Variants in DTNB observed in about 807,000 individuals in gnomAD.
DTNB encodes the protein dystrobrevin beta, also known as DTN-B.
In DTNB, 63 loss-of-function variants were observed where a neutral mutation model predicts 90.7. That is an observed-to-expected ratio of 0.69 (90% confidence interval 0.57 to 0.86). The LOEUF is 0.86. Among genes scored for constraint, DTNB ranks in the 40% least tolerant of loss-of-function variants. DTNB has a pLI of 0.00. For missense variants in DTNB, 744 were observed against 807.1 expected (o/e 0.92, Z 0.95); for synonymous variants, 277 against 286.7 (o/e 0.97, Z 0.34).
chr2:25,660,320 A>T (rs2082900302), intron 1 of DTNB, among the ~76,000 whole-genome samples: 1 of 152,228 alleles, frequency 6.6e-6, no homozygotes, highest in African/African-American at 2.4e-5. Flanking sequence ...GAAAGAAGCC[A>T]GTCATAGAAG....
chr2:25,527,800 T>C (rs184229723), intron 9 of DTNB, among the ~76,000 whole-genome samples: 2 of 152,278 alleles, frequency 1.3e-5, no homozygotes, highest in Non-Finnish European at 2.9e-5. Context: ...CTTAGATGGC[T>C]CCATTAGTGA....
Position 25,600,219 on chromosome 2 carries a change from C to T in DTNB, c.449-3979G>A, listed in dbSNP as rs185007508. On this transcript the variant is annotated intron_variant, in intron 5 of 20. Coordinates refer to ENST00000406818, the MANE Select transcript of DTNB (RefSeq NM_021907.5). ...CTGCCAGGTGCCTCAGTATCTTCTTCCCCTTCTCGCTCACTAGCTGAGCCC... is the reference window on the plus strand; with the variant it reads ...CTGCCAGGTGCCTCAGTATCTTCTTTCCCTTCTCGCTCACTAGCTGAGCCC... 3.2e-4 allele frequency among the ~76,000 whole-genome samples: 48 copies of T among 152,360 alleles called. 1 individual carries two copies. In the East Asian group the frequency reaches 7.7e-3, roughly 24 times the overall value.
chr2:25,664,499 T>C (rs1459218338), intron 1 of DTNB, among the ~76,000 whole-genome samples: 1 of 152,222 alleles, frequency 6.6e-6, no homozygotes, highest in Non-Finnish European at 1.5e-5. Context: ...GATCACAGTA[T>C]CAGCCCCTCC....
rs139183528 is a variant in DTNB, at chr2:25,496,583, C to T, written c.1002-13710G>A. 6.8e-3 allele frequency among the ~76,000 whole-genome samples: 1,030 copies of T among 152,282 alleles called. 14 individuals are homozygous for T. Among genetic ancestry groups the T allele is most frequent in the African/African-American group, 0.024 (993 of 41,550 alleles). On this transcript the variant is annotated intron_variant, in intron 9 of 20. Coordinates refer to ENST00000406818, the MANE Select transcript of DTNB (RefSeq NM_021907.5). ...GTGGGGCTGGGCGCAGTGGCTCACA[C>T]CTGTAATCTCAGCACTTTGGGAGGC...
At chr2:25,543,607 A>G (rs2081803104) in intron 8 of DTNB, among the ~76,000 whole-genome samples, 1 of 152,184 alleles carries the variant, frequency 6.6e-6, no homozygotes, top group African/African-American at 2.4e-5. Context: ...CCTGGCTGAG[A>G]CAGATTCTTA....
At chr2:25,404,727 C>T (rs934758456) in intron 16 of DTNB, among the ~76,000 whole-genome samples, 2 of 151,914 alleles carry the variant, frequency 1.3e-5, no homozygotes, top group Admixed American at 6.6e-5. Context: ...TGGTGGCACG[C>T]GACTGTAATC....
At chr2:25,504,369 GAGAAGGAAAGAA>G (rs1318617652) in intron 9 of DTNB, among the ~76,000 whole-genome samples, 3 of 143,944 alleles carry the variant, frequency 2.1e-5, no homozygotes, top group Non-Finnish European at 4.5e-5. Context: ...GAGGGAGGGA[GAGAAGGAAAGAA>G]AGAAGGAAAG....
chr2:25,462,383 G>T (rs1408792779), intron 10 of DTNB, among the ~76,000 whole-genome samples: 1 of 152,062 alleles, frequency 6.6e-6, no homozygotes, highest in African/African-American at 2.4e-5. Flanking sequence ...CTTGTCCTGA[G>T]GCTGGGTGTA....
intron 3 of DTNB, among the ~76,000 whole-genome samples, chr2:25,630,433 T>G (rs1158701428): frequency 3.9e-5 from 6 of 152,198 alleles, no homozygotes; most frequent in African/African-American, 1.2e-4. Flanking sequence ...TGTTCATAGG[T>G]GCATTATTCA....
At chr2:25,476,576 T>A (rs1024136275) in intron 10 of DTNB, among the ~76,000 whole-genome samples, 14 of 152,150 alleles carry the variant, frequency 9.2e-5, no homozygotes, top group Non-Finnish European at 1.9e-4. Context: ...AAGAAATTGA[T>A]TCCAACCCTC....
chr2:25,453,385 ATTAG>A (rs764875400), intron 11 of DTNB, among the ~76,000 whole-genome samples: 3 of 152,212 alleles, frequency 2.0e-5, no homozygotes, highest in South Asian at 2.1e-4. Context: ...CATTTTCAGA[ATTAG>A]TTAGCCAGAA....
chr2:25,505,669 TCTC>T (rs1341046677), intron 9 of DTNB, among the ~76,000 whole-genome samples: 1 of 152,202 alleles, frequency 6.6e-6, no homozygotes, highest in Non-Finnish European at 1.5e-5. Context: ...CACTTGTACT[TCTC>T]CTACTAAACC....
intron 16 of DTNB, among the ~76,000 whole-genome samples, chr2:25,405,291 G>A (rs190671584): frequency 3.9e-5 from 6 of 152,118 alleles, no homozygotes; most frequent in South Asian, 4.2e-4. Flanking sequence ...CTGTAATTCT[G>A]GCACTTTGGG....
intron 9 of DTNB, among the ~76,000 whole-genome samples, chr2:25,522,984 A>G (rs909551693): frequency 6.6e-6 from 1 of 152,152 alleles, no homozygotes; most frequent in Non-Finnish European, 1.5e-5. Flanking sequence ...TACAGACATG[A>G]GCCACCGCAC....
intron 12 of DTNB, among the ~76,000 whole-genome samples, chr2:25,435,717 G>C (rs1038237950): frequency 2.0e-5 from 3 of 152,132 alleles, no homozygotes; most frequent in African/African-American, 7.2e-5. Context: ...GTTGAGTTAT[G>C]TTATTATTTC....
At chr2:25,662,106 A>G (rs2083294236) in intron 1 of DTNB, among the ~76,000 whole-genome samples, 1 of 151,792 alleles carries the variant, frequency 6.6e-6, no homozygotes, top group Non-Finnish European at 1.5e-5. Flanking sequence ...CAAGGAGCTG[A>G]GATTGTGTCA....
At chr2:25,647,091 G>A (rs2079644170) in intron 2 of DTNB, among the ~76,000 whole-genome samples, 1 of 152,282 alleles carries the variant, frequency 6.6e-6, no homozygotes, top group South Asian at 2.1e-4. Flanking sequence ...GATGCATACT[G>A]TACTAAGTAT....
intron 10 of DTNB, among the ~76,000 whole-genome samples, chr2:25,475,570 G>A (rs936009139): frequency 2.6e-5 from 4 of 152,248 alleles, no homozygotes; most frequent in East Asian, 1.9e-4. Context: ...GATCATTGAC[G>A]AAAGCAGCTA....
rs544243784 is a variant in DTNB, at chr2:25,552,841, ATTTTT to A, written c.877-21249_877-21245del. On this transcript the variant is annotated intron_variant, in intron 8 of 20. Transcript: ENST00000406818. ...GAAAATTATATAATTTCTCTTTTTG[ATTTTT>A]TTTTTTTTTTTTTTTTTTTTTTTTT... 2.9e-4 allele frequency among the ~76,000 whole-genome samples: 25 copies of A among 86,032 alleles called. 1 individual carries two copies. Among genetic ancestry groups the A allele is most frequent in the African/African-American group, 6.3e-4 (15 of 23,864 alleles). 56.4% of individuals were successfully genotyped at this position (86,032 alleles called of 152,430 possible).
Sources: gnomAD v4.1 joint callset for allele counts (sites outside exome capture counted in the v4.1 genomes callset) on GRCh38, gnomAD v4.1.1 for gene constraint, MANE v1.5 for transcripts, NCBI Gene and HGNC (gene_info 2026-07-23, HGNC 2026-07-21) for gene names.